Variants in ABCA1 observed in about 807,000 individuals in gnomAD.
ABCA1 encodes the protein phospholipid-transporting ATPase ABCA1.
In ABCA1, 133 loss-of-function variants were observed where a neutral mutation model predicts 262.5. The observed-to-expected ratio is 0.51, with a 90% CI of 0.44 to 0.59. ABCA1 has a LOEUF of 0.59. Among genes scored for constraint, ABCA1 ranks in the 20% least tolerant of loss-of-function variants. The pLI is 0.00. For synonymous variants in ABCA1, 1,022 were observed against 1,043.5 expected, an observed-to-expected ratio of 0.98 and a Z score of 0.40; for missense variants, 2,452 against 2,777.5, an observed-to-expected ratio of 0.88 and a Z score of 2.63.
At chr9:104,916,801 T>C (rs1353910206) in intron 1 of ABCA1, among the ~76,000 whole-genome samples, 2 of 152,142 alleles carry the variant, frequency 1.3e-5, no homozygotes, top group East Asian at 3.9e-4. Context: ...TGCCTCCACC[T>C]CCCAAAGTGC....
intron 37 of ABCA1, among the ~76,000 whole-genome samples, chr9:104,797,326 A>C (rs1829983360): frequency 6.6e-6 from 1 of 152,226 alleles, no homozygotes; most frequent in Non-Finnish European, 1.5e-5. Context: ...GATAAATATA[A>C]AGTTTAGTTT....
intron 8 of ABCA1, among the ~76,000 whole-genome samples, chr9:104,843,610 G>C (rs988506837): frequency 6.6e-6 from 1 of 152,146 alleles, no homozygotes; most frequent in Non-Finnish European, 1.5e-5. Context: ...TCTGCAAAAT[G>C]GACATGATGA....
chr9:104,899,862 G>A (rs746096966), intron 2 of ABCA1, among the ~76,000 whole-genome samples: 1 of 152,172 alleles, frequency 6.6e-6, no homozygotes, highest in Non-Finnish European at 1.5e-5. Flanking sequence ...ACCAGATGAG[G>A]ATCGTGAAAG....
intron 5 of ABCA1, among the ~76,000 whole-genome samples, chr9:104,863,171 A>G (rs1836785590): frequency 6.6e-6 from 1 of 152,056 alleles, no homozygotes; most frequent in South Asian, 2.1e-4. Context: ...GTCCCTGCGT[A>G]CCTCATGTCA....
chr9:104,851,851 C>T (rs113483939), intron 7 of ABCA1, among the ~76,000 whole-genome samples: 5,393 of 152,248 alleles, frequency 0.035, 176 homozygotes, highest in African/African-American at 0.087. Flanking sequence ...TATCACTACA[C>T]GAAATGAACA....
chr9:104,927,185 G>A (rs1183886105), intron 1 of ABCA1, among the ~76,000 whole-genome samples: 1 of 150,726 alleles, frequency 6.6e-6, no homozygotes, highest in Admixed American at 6.6e-5. Flanking sequence ...ACTCCAGCCT[G>A]GGCGACAGAC....
chr9:104,879,234 C>T (rs1276503363), intron 5 of ABCA1, among the ~76,000 whole-genome samples: 4 of 152,234 alleles, frequency 2.6e-5, no homozygotes, highest in Non-Finnish European at 4.4e-5. Flanking sequence ...AGGCCAGGTG[C>T]TCAGAAATGC....
chr9:104,797,121 T>C (rs1365040584), intron 37 of ABCA1, among the ~76,000 whole-genome samples: 1 of 152,118 alleles, frequency 6.6e-6, no homozygotes, highest in Non-Finnish European at 1.5e-5. Flanking sequence ...TTCTAGCAAA[T>C]TTCAGGAGCT....
chr9:104,903,488 A>G, intron 2 of ABCA1, 126 bp downstream of exon 2: 2 of 1,004,074 alleles, frequency 2.0e-6, no homozygotes, highest in Admixed American at 4.0e-5. Flanking sequence ...CATAAGAGCC[A>G]GATTCCATCA....
At chr9:104,890,056 T>C (rs1839573370) in intron 2 of ABCA1, among the ~76,000 whole-genome samples, 1 of 152,226 alleles carries the variant, frequency 6.6e-6, no homozygotes, top group African/African-American at 2.4e-5. Context: ...CACAATATAA[T>C]TGAGCCAGTA....
chr9:104,842,170 A>G (rs1834435499), intron 8 of ABCA1, among the ~76,000 whole-genome samples: 1 of 152,196 alleles, frequency 6.6e-6, no homozygotes, highest in Non-Finnish European at 1.5e-5. Flanking sequence ...GGTGGGTCAG[A>G]GGCCACAAGG....
intron 17 of ABCA1, chr9:104,825,479 C>T (rs1174167775): frequency 4.7e-6 from 3 of 639,982 alleles, no homozygotes; most frequent in Non-Finnish European, 8.4e-6. Context: ...CTGCCTGGCA[C>T]ACAGTTTTCA....
chr9:104,918,668 A>G (rs1040687743), intron 1 of ABCA1, among the ~76,000 whole-genome samples: 32 of 152,130 alleles, frequency 2.1e-4, no homozygotes, highest in African/African-American at 7.7e-4. Flanking sequence ...ACAGTACCAG[A>G]CAACAGCCTA....
chr9:104,869,387 T>G (rs1425221461), intron 5 of ABCA1, among the ~76,000 whole-genome samples: 1 of 152,064 alleles, frequency 6.6e-6, no homozygotes, highest in African/African-American at 2.4e-5. Context: ...GGAGACAAAT[T>G]CTAACTCGTG....
At chr9:104,919,467 C>A (rs544046723) in intron 1 of ABCA1, among the ~76,000 whole-genome samples, 1 of 152,216 alleles carries the variant, frequency 6.6e-6, no homozygotes, top group South Asian at 2.1e-4. Flanking sequence ...CAAAAATTAG[C>A]CGGACATGGT....
Position 104,802,093 on chromosome 9 carries a change from A to G in ABCA1, c.4659T>C (p.Asp1553=), listed in dbSNP as rs139564637. ...GGTGTTTCTTCATTTGTTTGATGGCATCATTAACTTCTTGACTCGGAGGAA... is the reference window on the plus strand; with the variant it reads ...GGTGTTTCTTCATTTGTTTGATGGCGTCATTAACTTCTTGACTCGGAGGAA... ...QALPPSQEVN[D]AIKQMKKHLK... The change falls in exon 34 of 50, where the codon GAT becomes GAC. Residue 1553 remains aspartate, a synonymous_variant. Transcript: ENST00000374736. 1.2e-6 allele frequency: 2 copies of G among 1,614,190 alleles called. No individual in the cohort carries two copies. The highest frequency in any genetic ancestry group is 1.7e-6 in the Non-Finnish European group (2 of 1,180,036).
chr9:104,796,112 G>C lies in ABCA1; in HGVS notation c.5323C>G (p.Leu1775Val), dbSNP rs764515770. 2 of 1,613,752 alleles carry C rather than the reference G, an allele frequency of 1.2e-6. No homozygotes were observed. Among genetic ancestry groups the C allele is most frequent in the Non-Finnish European group, 1.7e-6 (2 of 1,180,026 alleles). Residue 1775 changes from leucine (L) to valine (V), a missense_variant, in exon 39 of 50, where the codon CTC becomes GTC. By Grantham distance (32) the Leu-to-Val change is conservative (BLOSUM62 1). Transcript: ENST00000374736. ...ACGCTGCCATTAATGCCAATGAAGAGGTTCACGCTGGTGAGCACCACATAG... is the reference window on the plus strand; with the variant it reads ...ACGCTGCCATTAATGCCAATGAAGACGTTCACGCTGGTGAGCACCACATAG... ...TAYVVLTSVN[L>V]FIGINGSVAT...
In ABCA1 at chr9:104,787,999, G is replaced by A; in HGVS notation, c.6125C>T (p.Ala2042Val). The A allele has an allele frequency of 6.2e-7, 1 of 1,614,176 alleles. No individual in the cohort carries two copies. The highest frequency in any genetic ancestry group is 8.5e-7 in the Non-Finnish European group (1 of 1,180,034). ...TTTGTTGCCTCCACTATAGTTACCA[G>A]CATATTTTTCTCCATACTTCACGAG... is the stretch of plus-strand genomic sequence containing the variant. ...LGLVKYGEKYAGNYSGGNKRK... is the reference protein window; with the variant it reads ...LGLVKYGEKYVGNYSGGNKRK... The change falls in exon 46 of 50, where the codon GCT becomes GTT. Residue 2042 changes from alanine (A) to valine (V), a missense_variant. By Grantham distance (64) the Ala-to-Val change is moderately conservative. Coordinates refer to ENST00000374736, the MANE Select transcript of ABCA1 (RefSeq NM_005502.4).
chr9:104,837,431 A>G lies in ABCA1; in HGVS notation c.1191T>C (p.Ala397=), dbSNP rs770624152. The change falls in exon 10 of 50, where the codon GCT becomes GCC. Residue 397 remains alanine (A), a synonymous_variant. Transcript: ENST00000374736. The part of the protein sequence containing the change: ...PDTPATRQVM[A]EVNKTFQELA... ...TCTTGGGCTGGGGGCAGCTTACCTC[A>G]GCCATGACCTGCCTTGTGGCTGGAG... 1.2e-6 allele frequency: 2 copies of G among 1,613,920 alleles called. No individual in the cohort carries two copies. The highest frequency in any genetic ancestry group is 1.7e-5 in the Admixed American group (1 of 59,996).
Sources: allele counts gnomAD v4.1 joint callset (sites outside exome capture counted in the v4.1 genomes callset), GRCh38; gene constraint gnomAD v4.1.1; transcripts MANE v1.5; gene names NCBI Gene and HGNC (gene_info 2026-07-23, HGNC 2026-07-21).